Variants in CDHR2 observed in about 807,000 individuals in gnomAD.
CDHR2 encodes cadherin related family member 2.
A neutral mutation model predicts 138.6 loss-of-function variants in CDHR2; 104 were observed. That is an observed-to-expected ratio of 0.75 (90% CI 0.64 to 0.88). CDHR2 has a LOEUF of 0.88. Among genes scored for constraint, CDHR2 ranks in the 40% least tolerant of loss-of-function variants. The pLI is 0.00. For missense variants in CDHR2, 1,624 were observed against 1,727.6 expected, an observed-to-expected ratio of 0.94 and a Z score of 1.06; for synonymous variants, 755 against 742.8, an observed-to-expected ratio of 1.02 and a Z score of -0.27.
chr5:176,581,264 A>G, intron 16 of CDHR2, 79 bp from the exon 17 acceptor site: 1 of 1,572,378 alleles, frequency 6.4e-7, no homozygotes, highest in Non-Finnish European at 8.6e-7. Context: ...AGCGCTGGAG[A>G]GGAGGGTCCG....
chr5:176,559,055 G>T (rs1358657276), intron 1 of CDHR2, among the ~76,000 whole-genome samples: 2 of 152,196 alleles, frequency 1.3e-5, no homozygotes, highest in East Asian at 1.9e-4. Context: ...TCTTAACGTG[G>T]TTAGCTTGGG....
Position 176,584,835 on chromosome 5 carries a change from ACC to A in CDHR2, c.2555_2556del (p.Thr852LysfsTer36). 1 of 1,614,088 alleles carries A rather than the reference ACC, an allele frequency of 6.2e-7. No individual in the cohort carries two copies. Among genetic ancestry groups the A allele is most frequent in the Non-Finnish European group, 8.5e-7 (1 of 1,180,010 alleles). On this transcript the variant is annotated frameshift_variant, in exon 19 of 32. Transcript: ENST00000261944. LOFTEE classifies it high-confidence loss of function. ...GATACAGCTTGTGAACATTCTCTGC[ACC>A]AAGGCCGGGGTCGATGTGGGCAGCC... ...LEIQLVNILC[T>X]KAGVDVGSLC... is the part of the protein sequence containing the mutation.
chr5:176,580,130 G>A (rs906461806), intron 16 of CDHR2, among the ~76,000 whole-genome samples: 1 of 151,370 alleles, frequency 6.6e-6, no homozygotes, highest in Middle Eastern at 3.2e-3. Flanking sequence ...ACTCACGCAC[G>A]CACTCACACA....
intron 1 of CDHR2, among the ~76,000 whole-genome samples, chr5:176,557,242 G>A (rs1238331743): frequency 6.6e-6 from 1 of 150,888 alleles, no homozygotes; most frequent in Non-Finnish European, 1.5e-5. Flanking sequence ...ATCTCACTCT[G>A]TCACCCAGGC....
chr5:176,586,008 C>A lies in CDHR2; in HGVS notation c.2789C>A (p.Pro930His). 1 of 1,613,926 alleles carries A rather than the reference C, an allele frequency of 6.2e-7. No homozygotes were observed. Among genetic ancestry groups the A allele is most frequent in the Middle Eastern group, 1.7e-4 (1 of 6,060 alleles). ...DVNDNAPYFL[P>H]ENKTFVIIPE... ...AATGACAATGCACCCTATTTTCTGC[C>A]TGAGAATAAGACTTTTGGTAAGCAG... The change falls in exon 20 of 32, where the codon CCT becomes CAT. Residue 930 changes from proline (P) to histidine (H), a missense_variant. Physicochemically the swap from Pro to His is moderately conservative, Grantham distance 77. Coordinates refer to ENST00000261944, the MANE Select transcript of CDHR2 (RefSeq NM_017675.6).
rs772960098 is a variant in CDHR2, at chr5:176,565,658, CTGT to C, written c.53-13_53-11del. The C allele has an allele frequency of 1.6e-5, 25 of 1,612,082 alleles. No homozygotes were observed. Among genetic ancestry groups the C allele is most frequent in the Middle Eastern group, 1.6e-4 (1 of 6,084 alleles). On this transcript the variant is annotated splice_polypyrimidine_tract_variant and intron_variant, in intron 2 of 31. Transcript: ENST00000261944. ...AGGGGTGTCCCGATGTTCCAGCACA[CTGT>C]GTCCCTACAGTGGCAGCCAACGTGG...
chr5:176,569,314 C>T (rs558672903), intron 5 of CDHR2, among the ~76,000 whole-genome samples: 11 of 139,170 alleles, frequency 7.9e-5, no homozygotes, highest in Non-Finnish European at 9.1e-5. Flanking sequence ...GACGGAGTCT[C>T]GCTCTGTCGC....
intron 22 of CDHR2, 52 bp downstream of exon 22, chr5:176,589,234 G>C (rs777234940): frequency 1.2e-6 from 2 of 1,607,940 alleles, no homozygotes; most frequent in South Asian, 2.2e-5. Flanking sequence ...CCCGATAGGA[G>C]CTTTCAGGCA....
intron 3 of CDHR2, 45 bp from the exon 4 acceptor site, chr5:176,568,633 G>A (rs1420691293): frequency 6.2e-7 from 1 of 1,606,044 alleles, no homozygotes. Context: ...GACCAGCACT[G>A]AAAGGGTGGC....
chr5:176,569,040 G>A, intron 5 of CDHR2, 30 bp downstream of exon 5: 1 of 1,611,798 alleles, frequency 6.2e-7, no homozygotes, highest in South Asian at 1.1e-5. Context: ...GGGGTAGACA[G>A]GGATTGCGAG....
At chr5:176,559,699 T>A (rs1015909175) in intron 1 of CDHR2, among the ~76,000 whole-genome samples, 1 of 86,034 alleles carries the variant, frequency 1.2e-5, no homozygotes, top group Admixed American at 1.6e-4. Context: ...CTCCATTAAA[T>A]TTTTAATTCC....
At chr5:176,574,490 T>C (rs1186188467) in intron 7 of CDHR2, among the ~76,000 whole-genome samples, 1 of 152,216 alleles carries the variant, frequency 6.6e-6, no homozygotes, top group East Asian at 1.9e-4. Flanking sequence ...TAGCGCCATT[T>C]ACCGAGCACC....
At chr5:176,542,991 G>A (rs955414867) in intron 1 of CDHR2, among the ~76,000 whole-genome samples, 2 of 152,128 alleles carry the variant, frequency 1.3e-5, no homozygotes, top group Non-Finnish European at 2.9e-5. Context: ...TGGCGGTCGG[G>A]ACGTGCGCGG....
intron 1 of CDHR2, among the ~76,000 whole-genome samples, chr5:176,563,491 A>G (rs1160170722): frequency 6.7e-6 from 1 of 148,784 alleles, no homozygotes; most frequent in Non-Finnish European, 1.5e-5. Flanking sequence ...AGAGAAAAAG[A>G]AAAAAAAAAC....
At chr5:176,589,791 C>T (rs539969520) in intron 24 of CDHR2, among the ~76,000 whole-genome samples, 175 bp downstream of exon 24, 4 of 152,296 alleles carry the variant, frequency 2.6e-5, no homozygotes, top group Non-Finnish European at 5.9e-5. Flanking sequence ...TCCCCAGAAG[C>T]CCATACCCAG....
Position 176,575,443 on chromosome 5 carries a change from T to G in CDHR2, c.768+17T>G. 6.2e-7 allele frequency: 1 copy of G among 1,614,032 alleles called. No homozygotes were observed. The highest frequency in any genetic ancestry group is 8.5e-7 in the Non-Finnish European group (1 of 1,179,988). ...GCAGCCAAGGTGCACGGGGGACCTG[T>G]GGGGTGTGGGTGGAGGCGGGAGGCG... On this transcript the variant is annotated intron_variant, in intron 9 of 31. Coordinates refer to ENST00000261944, the MANE Select transcript of CDHR2 (RefSeq NM_017675.6).
intron 1 of CDHR2, among the ~76,000 whole-genome samples, chr5:176,552,822 C>T (rs542074876): frequency 6.6e-6 from 1 of 152,222 alleles, no homozygotes; most frequent in African/African-American, 2.4e-5. Context: ...CCCCACTCTG[C>T]CGCTGACAGC....
At chr5:176,588,572 AGAGT>A (rs1265064119) in intron 21 of CDHR2, among the ~76,000 whole-genome samples, 170 of 139,566 alleles carry the variant, frequency 1.2e-3, no homozygotes, top group African/African-American at 4.3e-3. Context: ...ACAGTGTGTG[AGAGT>A]GTGTGTGAGG....
chr5:176,546,800 A>AGCCT (rs1377685355), upstream of CDHR2, among the ~76,000 whole-genome samples: 1 of 149,450 alleles, frequency 6.7e-6, no homozygotes, highest in East Asian at 2.0e-4. Context: ...ACCCCAGAGG[A>AGCCT]GCCTGGTCTC....
Sources: gnomAD v4.1 joint callset for allele counts (sites outside exome capture counted in the v4.1 genomes callset) on GRCh38, gnomAD v4.1.1 for gene constraint, MANE v1.5 for transcripts, NCBI Gene and HGNC (gene_info 2026-07-23, HGNC 2026-07-21) for gene names.